The following SLC36A1 variants were observed in gnomAD, a reference collection of about 807,000 sequenced individuals.
SLC36A1 encodes solute carrier family 36 member 1.
SLC36A1 carries 30 observed loss-of-function variants against 47.5 expected under a neutral mutation model. That is an observed-to-expected ratio of 0.63 (90% CI 0.47 to 0.86). The LOEUF (loss-of-function observed/expected upper bound fraction) is 0.86, where lower values mean the gene tolerates loss of function less well. SLC36A1 is among the 40% of genes least tolerant of loss of function. SLC36A1 has a pLI of 0.00. For synonymous variants in SLC36A1, 255 were observed against 249.7 expected (o/e 1.02, Z -0.20); for missense variants, 517 against 606.0 (o/e 0.85, Z 1.54).
the SLC36A1 span, among the ~76,000 whole-genome samples, chr5:151,556,058 G>A: frequency 2.6e-5 from 4 of 152,100 alleles, no homozygotes; most frequent in African/African-American, 4.8e-5. Context: ...GACTGGACTC[G>A]GTAAGTACAT....
the SLC36A1 span, among the ~76,000 whole-genome samples, chr5:151,346,012 T>C: frequency 6.6e-6 from 1 of 152,218 alleles, no homozygotes; most frequent in Admixed American, 6.5e-5. Context: ...CGAGTCTGGG[T>C]GAGCCAACCC....
At chr5:151,426,263 C>T in the SLC36A1 span, among the ~76,000 whole-genome samples, 1 of 151,930 alleles carries the variant, frequency 6.6e-6, no homozygotes, top group Non-Finnish European at 1.5e-5. Flanking sequence ...GAACAGTGGG[C>T]CCAGGGGACC....
chr5:151,548,763 G>A, the SLC36A1 span, among the ~76,000 whole-genome samples: 1 of 152,138 alleles, frequency 6.6e-6, no homozygotes, highest in African/African-American at 2.4e-5. Context: ...TTACAGGCGT[G>A]AGCCACCGCA....
the SLC36A1 span, chr5:151,517,709 G>C: frequency 6.2e-7 from 1 of 1,614,174 alleles, no homozygotes; most frequent in African/African-American, 1.3e-5. Context: ...TGCCAGTTCC[G>C]AGCCGCTGGG....
At chr5:151,479,829 A>G in intron 10 of SLC36A1, 1 of 528,670 alleles carries the variant, frequency 1.9e-6, no homozygotes, top group Non-Finnish European at 3.3e-6. Flanking sequence ...CATATCTGTA[A>G]TGAGTATAAG....
chr5:151,440,515 G>A (rs1294749396), intron 1 of SLC36A1, among the ~76,000 whole-genome samples: 1 of 151,712 alleles, frequency 6.6e-6, no homozygotes, highest in Admixed American at 6.6e-5. Context: ...GGGACACTGG[G>A]TAGGGTTGCT....
intron 10 of SLC36A1, among the ~76,000 whole-genome samples, chr5:151,480,840 G>A (rs7715996): frequency 0.18 from 27,770 of 152,112 alleles, 2,666 homozygotes; most frequent in South Asian, 0.36. Flanking sequence ...AATCTAAAGG[G>A]CACTGGAAGA....
At chr5:151,432,335 C>T (rs955348483), upstream of SLC36A1, among the ~76,000 whole-genome samples, 3 of 152,218 alleles carry the variant, frequency 2.0e-5, no homozygotes, top group African/African-American at 4.8e-5. Context: ...AAGCTTTCCC[C>T]GAGAACAAGG....
the SLC36A1 span, among the ~76,000 whole-genome samples, chr5:151,430,060 G>C: frequency 1.3e-5 from 2 of 151,914 alleles, no homozygotes; most frequent in Non-Finnish European, 2.9e-5. Flanking sequence ...TTGTGCTCAG[G>C]CTCTGTATTA....
the SLC36A1 span, among the ~76,000 whole-genome samples, chr5:151,367,719 AAAGT>A: frequency 6.6e-6 from 1 of 152,210 alleles, no homozygotes. Context: ...AAAAATTATA[AAAGT>A]ATTATTTGAG....
chr5:151,535,040 A>G, the SLC36A1 span, among the ~76,000 whole-genome samples: 2 of 147,196 alleles, frequency 1.4e-5, no homozygotes, highest in Admixed American at 6.8e-5. Context: ...ATAAAAATCT[A>G]TGTATAAGGA....
chr5:151,480,772 G>A (rs1758686085), intron 10 of SLC36A1, among the ~76,000 whole-genome samples: 1 of 152,198 alleles, frequency 6.6e-6, no homozygotes, highest in Non-Finnish European at 1.5e-5. Flanking sequence ...AAGTGCTTGA[G>A]GAGACAGCTT....
rs1760022574 is a variant in SLC36A1, at chr5:151,490,558, C to G, written c.*2304C>G. 1 of 152,314 alleles carries G rather than the reference C, an allele frequency of 6.6e-6. No homozygotes were observed. The highest frequency in any genetic ancestry group is 2.4e-5 in the African/African-American group (1 of 41,456). 9.4% of individuals were successfully genotyped at this position (152,314 alleles called of 1,614,324 possible). On this transcript the variant is annotated 3_prime_UTR_variant, in exon 11 of 11. Coordinates refer to ENST00000243389, the MANE Select transcript of SLC36A1 (RefSeq NM_078483.4). ...GGTAGAATACTGGGGTCCCCCAGCT[C>G]TTAGCAGGATGCAGGCTATTGCTTC...
intron 2 of SLC36A1, among the ~76,000 whole-genome samples, chr5:151,462,529 T>C (rs1411836583): frequency 6.6e-6 from 1 of 152,012 alleles, no homozygotes; most frequent in Admixed American, 6.5e-5. Context: ...CACGCCCAGC[T>C]AATTTTTATA....
chr5:151,498,945 A>C, the SLC36A1 span, among the ~76,000 whole-genome samples: 1 of 152,132 alleles, frequency 6.6e-6, no homozygotes, highest in East Asian at 1.9e-4. Context: ...CTGCTCGGCC[A>C]CTTTCCCCAG....
Position 151,488,312 on chromosome 5 carries a change from G to T in SLC36A1, c.*58G>T. The T allele has an allele frequency of 6.3e-7, 1 of 1,579,506 alleles. No homozygotes were observed. Among genetic ancestry groups the T allele is most frequent in the African/African-American group, 1.3e-5 (1 of 74,282 alleles). On this transcript the variant is annotated 3_prime_UTR_variant, in exon 11 of 11. Coordinates refer to ENST00000243389, the MANE Select transcript of SLC36A1 (RefSeq NM_078483.4). ...CTGCCCCATGTGTCCCCCGTTACCT[G>T]TCCTCAGAGCCTCAGGTATGGTCCA... is the stretch of plus-strand genomic sequence containing the variant.
chr5:151,493,476 A>G (rs1230863221), downstream of SLC36A1, among the ~76,000 whole-genome samples: 1 of 152,246 alleles, frequency 6.6e-6, no homozygotes, highest in Non-Finnish European at 1.5e-5. Flanking sequence ...CAGGGTTCCC[A>G]TGACTCTGTT....
At chr5:151,401,679 T>A in the SLC36A1 span, among the ~76,000 whole-genome samples, 2 of 152,146 alleles carry the variant, frequency 1.3e-5, no homozygotes, top group African/African-American at 4.8e-5. Context: ...TTTGTGTCAT[T>A]TATGATTTCT....
chr5:151,550,137 A>G, the SLC36A1 span, among the ~76,000 whole-genome samples: 1 of 152,180 alleles, frequency 6.6e-6, no homozygotes, highest in Admixed American at 6.5e-5. Flanking sequence ...TGCAAAATTT[A>G]AAGAGGCTCT....
Sources: allele counts gnomAD v4.1 joint callset (sites outside exome capture counted in the v4.1 genomes callset), GRCh38; gene constraint gnomAD v4.1.1; transcripts MANE v1.5; gene names NCBI Gene and HGNC (gene_info 2026-07-23, HGNC 2026-07-21).